The following PIP5K1B variants were observed in gnomAD, a reference collection of about 807,000 sequenced individuals.
PIP5K1B encodes phosphatidylinositol 4-phosphate 5-kinase type-1 beta.
PIP5K1B carries 42 observed loss-of-function variants against 67.0 expected under a neutral mutation model. The observed-to-expected ratio is 0.63, with a 90% CI of 0.49 to 0.81. The LOEUF (loss-of-function observed/expected upper bound fraction) is 0.81, where lower values mean the gene tolerates loss of function less well. PIP5K1B is among the 30% of genes least tolerant of loss of function. The probability of loss-of-function intolerance (pLI) is 0.00; values close to 1 mark genes in which losing one functional copy is unlikely to be tolerated. For missense variants in PIP5K1B, 459 were observed against 646.3 expected, an observed-to-expected ratio of 0.71 and a Z score of 3.14; for synonymous variants, 214 against 231.4, an observed-to-expected ratio of 0.92 and a Z score of 0.68.
intron 2 of PIP5K1B, among the ~76,000 whole-genome samples, chr9:68,746,657 C>G (rs1478024996): frequency 6.6e-6 from 1 of 152,178 alleles, no homozygotes; most frequent in African/African-American, 2.4e-5. Context: ...CTCAGCACTT[C>G]CATGTCTCTT....
At chr9:68,802,431 AATGGATGGATGG>A (rs377615270) in intron 2 of PIP5K1B, among the ~76,000 whole-genome samples, 3 of 151,988 alleles carry the variant, frequency 2.0e-5, no homozygotes, top group South Asian at 2.1e-4. Context: ...ATGGATAGAA[AATGGATGGATGG>A]ATGGATGGAT....
At chr9:68,780,888 G>A (rs772104723) in intron 2 of PIP5K1B, 1 of 1,614,180 alleles carries the variant, frequency 6.2e-7, no homozygotes, top group Non-Finnish European at 8.5e-7. Flanking sequence ...TGTATCTTCG[G>A]ATACCCTTGA....
intron 14 of PIP5K1B, among the ~76,000 whole-genome samples, chr9:68,981,903 G>A (rs1217759644): frequency 6.6e-6 from 1 of 151,956 alleles, no homozygotes; most frequent in Non-Finnish European, 1.5e-5. Context: ...CTCCTGTACT[G>A]CTCTCACCTG....
intron 5 of PIP5K1B, among the ~76,000 whole-genome samples, chr9:68,866,706 C>A (rs1347922859): frequency 6.6e-6 from 1 of 152,062 alleles, no homozygotes; most frequent in African/African-American, 2.4e-5. Flanking sequence ...GTCTGCCTTA[C>A]CTTTTAGTGA....
At chr9:68,867,506 C>G (rs1823418912) in intron 5 of PIP5K1B, among the ~76,000 whole-genome samples, 1 of 152,242 alleles carries the variant, frequency 6.6e-6, no homozygotes, top group Admixed American at 6.5e-5. Flanking sequence ...GATAAGACAA[C>G]TCTGTGCAAG....
intron 2 of PIP5K1B, among the ~76,000 whole-genome samples, chr9:68,807,846 T>C (rs1832953278): frequency 1.3e-5 from 2 of 152,140 alleles, no homozygotes; most frequent in Admixed American, 6.5e-5. Flanking sequence ...ATGAGAAATA[T>C]TGCCATGTAG....
chr9:68,729,066 G>A (rs541264045), intron 1 of PIP5K1B: 1 of 152,244 alleles, frequency 6.6e-6, no homozygotes, highest in East Asian at 1.9e-4. Flanking sequence ...TTCTTCCTAT[G>A]TTTAATGACA....
chr9:68,732,053 G>A (rs1180279614), intron 1 of PIP5K1B, among the ~76,000 whole-genome samples: 8 of 152,204 alleles, frequency 5.3e-5, no homozygotes, highest in African/African-American at 1.7e-4. Flanking sequence ...AGCACCATGG[G>A]TGGGGCTGCT....
chr9:68,889,580 A>G (rs1214010514), intron 7 of PIP5K1B, among the ~76,000 whole-genome samples: 3 of 151,920 alleles, frequency 2.0e-5, no homozygotes, highest in African/African-American at 7.3e-5. Context: ...TAAAAATACA[A>G]AAAAATTAGC....
intron 8 of PIP5K1B, among the ~76,000 whole-genome samples, chr9:68,898,970 T>C (rs1321937697): frequency 1.3e-5 from 2 of 152,206 alleles, no homozygotes; most frequent in Non-Finnish European, 2.9e-5. Flanking sequence ...CCCCACTGCT[T>C]TTGGGCGAAA....
intron 3 of PIP5K1B, among the ~76,000 whole-genome samples, chr9:68,820,541 T>C (rs554350180): frequency 6.6e-6 from 1 of 152,294 alleles, no homozygotes; most frequent in African/African-American, 2.4e-5. Flanking sequence ...CTCATGGCAG[T>C]GTGGGTAAAC....
intron 12 of PIP5K1B, among the ~76,000 whole-genome samples, chr9:68,924,717 C>T (rs982771042): frequency 6.6e-6 from 1 of 151,952 alleles, no homozygotes; most frequent in Non-Finnish European, 1.5e-5. Context: ...TTTAGCCATA[C>T]ACAACTGAAA....
chr9:68,992,203 C>A (rs1480857802), intron 15 of PIP5K1B, among the ~76,000 whole-genome samples: 3 of 149,704 alleles, frequency 2.0e-5, no homozygotes, highest in Non-Finnish European at 3.0e-5. Context: ...CCTCAGGTAT[C>A]TGCCCACCTT....
At chr9:68,781,313 T>C in intron 2 of PIP5K1B, 1 of 302,712 alleles carries the variant, frequency 3.3e-6, no homozygotes, top group Admixed American at 4.7e-5. Context: ...CCCTTGATTT[T>C]TTTAAATAAC....
At chr9:68,933,880 G>C (rs1827128002) in intron 12 of PIP5K1B, among the ~76,000 whole-genome samples, 1 of 152,166 alleles carries the variant, frequency 6.6e-6, no homozygotes, top group Non-Finnish European at 1.5e-5. Context: ...GTTCTTGCAA[G>C]CAGCCTCTGG....
At chr9:68,823,193 C>T (rs1378204047) in intron 4 of PIP5K1B, among the ~76,000 whole-genome samples, 2 of 152,144 alleles carry the variant, frequency 1.3e-5, no homozygotes, top group African/African-American at 4.8e-5. Context: ...ACGTTAATTT[C>T]CTCTGCAACT....
At chr9:68,812,330 T>C (rs1833214653) in intron 2 of PIP5K1B, among the ~76,000 whole-genome samples, 1 of 152,210 alleles carries the variant, frequency 6.6e-6, no homozygotes, top group Admixed American at 6.5e-5. Flanking sequence ...AGTGAAAACA[T>C]AGAACTATAG....
intron 15 of PIP5K1B, 57 bp from the exon 16 acceptor site, chr9:69,008,390 G>T: frequency 2.6e-6 from 4 of 1,551,136 alleles, no homozygotes; most frequent in Non-Finnish European, 2.7e-6. Context: ...CTCATGGGGA[G>T]AGGTTACAAA....
At chr9:68,779,680 G>A (rs1587431870) in intron 2 of PIP5K1B, among the ~76,000 whole-genome samples, 1 of 152,066 alleles carries the variant, frequency 6.6e-6, no homozygotes, top group East Asian at 1.9e-4. Flanking sequence ...GTTGCTTCCC[G>A]CTTCCTGCAA....
Sources: allele counts gnomAD v4.1 joint callset (sites outside exome capture counted in the v4.1 genomes callset), GRCh38; gene constraint gnomAD v4.1.1; transcripts MANE v1.5; gene names NCBI Gene and HGNC (gene_info 2026-07-23, HGNC 2026-07-21).